PADI2: variants seen among roughly 807,000 people sequenced by gnomAD.
PADI2 encodes peptidyl arginine deiminase 2, also known as protein-arginine deiminase type-2.
Under a neutral mutation model 81.1 loss-of-function variants are expected in PADI2, and 70 were observed. The observed-to-expected ratio is 0.86, with a 90% confidence interval of 0.71 to 1.05. PADI2 has a LOEUF of 1.05. Ranked by LOEUF, PADI2 falls within the 50% of genes least tolerant of loss-of-function variation. The pLI is 0.00. For missense variants in PADI2, 853 were observed against 889.9 expected, an observed-to-expected ratio of 0.96 and a Z score of 0.53; for synonymous variants, 338 against 358.0, an observed-to-expected ratio of 0.94 and a Z score of 0.63.
At chr1:17,075,425 A>G in intron 12 of PADI2, 3 of 442,440 alleles carry the variant, frequency 6.8e-6, no homozygotes, top group Non-Finnish European at 1.2e-5. Flanking sequence ...GATTTTGAAG[A>G]TTTAGTATGA....
In PADI2 at chr1:17,115,357, C is replaced by T. The variant is rs1931718526; in HGVS notation, c.92+3923G>A. 1.3e-5 allele frequency among the ~76,000 whole-genome samples: 2 copies of T among 152,228 alleles called. No homozygotes were observed. The highest frequency in any genetic ancestry group is 1.3e-4 in the Admixed American group (2 of 15,292). Reference sequence around the variant, plus strand: ...CAAAGGGACAATGTTAAGATCATTCCAGTGTCCTGAAGCTCCTGCAGACCT... The same window carrying T: ...CAAAGGGACAATGTTAAGATCATTCTAGTGTCCTGAAGCTCCTGCAGACCT... On this transcript the variant is annotated intron_variant, in intron 1 of 15. Transcript: ENST00000375486. This position sits in a 1 kb window ranked among gnomAD's most constrained non-coding sequence, Gnocchi z 4.1.
At position 17,068,693 on chromosome 1, in the gene PADI2, C is replaced by T; in HGVS notation, c.*351G>A. On this transcript the variant is annotated 3_prime_UTR_variant, in exon 16 of 16. Transcript: ENST00000375486. ...GAAGAACTGGCAATCCCAGAATCTC[C>T]TTCCCTTCTCCCCTCATTCAGTGTC... The T allele has an allele frequency of 4.0e-6, 1 of 250,306 alleles. No homozygotes were observed. Among genetic ancestry groups the T allele is most frequent in the South Asian group, 5.9e-5 (1 of 16,830 alleles). The allele number at this position is 250,306 out of a possible 1,614,324, so 15.5% of individuals were successfully genotyped here.
At chr1:17,096,012 C>T in intron 3 of PADI2, 42 bp from the exon 4 acceptor site, 2 of 1,458,912 alleles carry the variant, frequency 1.4e-6, no homozygotes, top group East Asian at 2.3e-5. Flanking sequence ...GCCTGCCAGG[C>T]AGGGCAGGGC....
intron 3 of PADI2, 76 bp from the exon 4 acceptor site, chr1:17,096,046 G>T: frequency 1.8e-6 from 2 of 1,136,656 alleles, no homozygotes; most frequent in Non-Finnish European, 2.6e-6. Context: ...AGACCTGTGG[G>T]ATTTGGGTGC....
chr1:17,072,603 C>T (rs1034786323), intron 13 of PADI2, among the ~76,000 whole-genome samples: 3 of 152,156 alleles, frequency 2.0e-5, no homozygotes, highest in African/African-American at 4.8e-5. Context: ...ACTGCACATC[C>T]GCGCATCCTC....
At position 17,079,431 on chromosome 1, in the gene PADI2, A is replaced by C; in HGVS notation, c.1159-16T>G. ...AATCTGGGCCCTAGGCAGAGGGCAC[A>C]CACCTGCGTTAGTCTTCTGCAGCCA... On this transcript the variant is annotated splice_polypyrimidine_tract_variant and intron_variant, in intron 10 of 15. Transcript: ENST00000375486. 1 of 1,607,888 alleles carries C rather than the reference A, an allele frequency of 6.2e-7. No homozygotes were observed.
intron 2 of PADI2, 119 bp downstream of exon 2, chr1:17,104,759 T>G: frequency 1.1e-6 from 1 of 895,974 alleles, no homozygotes; most frequent in Non-Finnish European, 1.6e-6. Context: ...ATGTGGTTAC[T>G]GCAGAACTGA....
intron 3 of PADI2, among the ~76,000 whole-genome samples, chr1:17,101,813 A>G (rs2244416): frequency 0.62 from 94,574 of 152,016 alleles, 29,793 homozygotes; most frequent in African/African-American, 0.69. Context: ...CTGGAGATGT[A>G]GCTGCAGGCA....
At chr1:17,102,911 T>C in intron 3 of PADI2, 76 bp downstream of exon 3, 1 of 1,115,210 alleles carries the variant, frequency 9.0e-7, no homozygotes, top group Non-Finnish European at 1.3e-6. Context: ...GAGAACCGCC[T>C]AAGTGCCCCA....
intron 12 of PADI2, 185 bp from the exon 13 acceptor site, chr1:17,075,134 C>T: frequency 1.9e-6 from 1 of 515,182 alleles, no homozygotes; most frequent in Non-Finnish European, 3.5e-6. Flanking sequence ...CTTTCCTCTA[C>T]CTCAGCAATG....
chr1:17,103,403 G>A (rs1440392020), intron 2 of PADI2, among the ~76,000 whole-genome samples: 3 of 152,092 alleles, frequency 2.0e-5, no homozygotes, highest in Admixed American at 1.3e-4. Context: ...TATTTTCTTT[G>A]GACCATGTTC....
intron 1 of PADI2, among the ~76,000 whole-genome samples, chr1:17,114,290 G>GTTCATTCA (rs1237468995): frequency 1.3e-5 from 2 of 152,020 alleles, no homozygotes; most frequent in Non-Finnish European, 2.9e-5. Flanking sequence ...TCATTCATTC[G>GTTCATTCA]TTCATTCATT....
intron 8 of PADI2, among the ~76,000 whole-genome samples, 168 bp downstream of exon 8, chr1:17,084,431 T>C (rs367589084): frequency 6.6e-6 from 1 of 152,370 alleles, no homozygotes; most frequent in South Asian, 2.1e-4. Flanking sequence ...CTTCATCTCA[T>C]TTAATTCTCA....
intron 11 of PADI2, 74 bp from the exon 12 acceptor site, chr1:17,075,897 C>T: frequency 6.9e-7 from 1 of 1,441,248 alleles, no homozygotes; most frequent in Non-Finnish European, 9.7e-7. Context: ...AGTTTGGTCT[C>T]TGGGACCCAC....
At chr1:17,079,001 G>A (rs1179898781) in intron 11 of PADI2, 1 of 250,794 alleles carries the variant, frequency 4.0e-6, no homozygotes, top group Non-Finnish European at 7.6e-6. Flanking sequence ...CCACCAACCA[G>A]CTGATTTATA....
At chr1:17,084,394 C>A (rs921866660) in intron 8 of PADI2, among the ~76,000 whole-genome samples, 7 of 152,238 alleles carry the variant, frequency 4.6e-5, no homozygotes, top group African/African-American at 1.7e-4. Flanking sequence ...ACCCTGTGTG[C>A]TGGGCCTTGG....
chr1:17,076,057 C>A (rs1377828376), intron 11 of PADI2, among the ~76,000 whole-genome samples: 1 of 152,126 alleles, frequency 6.6e-6, no homozygotes, highest in Non-Finnish European at 1.5e-5. Context: ...GCAGGGAGCC[C>A]AGGCTTCAGC....
At chr1:17,094,102 C>T (rs747496424) in intron 4 of PADI2, among the ~76,000 whole-genome samples, 2 of 152,152 alleles carry the variant, frequency 1.3e-5, no homozygotes, top group Non-Finnish European at 2.9e-5. Flanking sequence ...CCGAATGGGA[C>T]CTGCATGGTG....
intron 15 of PADI2, 123 bp downstream of exon 15, chr1:17,069,965 A>G: frequency 8.7e-7 from 1 of 1,147,898 alleles, no homozygotes. Context: ...GTGAGGTCAC[A>G]CAGCAGCTCA....
Sources: allele counts gnomAD v4.1 joint callset (sites outside exome capture counted in the v4.1 genomes callset), GRCh38; gene constraint gnomAD v4.1.1; non-coding constraint Gnocchi (gnomAD v3.1); transcripts MANE v1.5; gene names NCBI Gene and HGNC (gene_info 2026-07-23, HGNC 2026-07-21).